NCAM2: variants seen among roughly 807,000 people sequenced by gnomAD.
The protein encoded by NCAM2 is neural cell adhesion molecule 2.
NCAM2 carries 30 observed loss-of-function variants against 98.1 expected under a neutral mutation model. The observed-to-expected ratio is 0.31, with a 90% CI of 0.23 to 0.41. The LOEUF (loss-of-function observed/expected upper bound fraction) is 0.41, where lower values mean the gene tolerates loss of function less well. Ranked by LOEUF, NCAM2 falls within the 10% of genes least tolerant of loss-of-function variation. The pLI is 1.00. For missense variants in NCAM2, 867 were observed against 1,005.8 expected (o/e 0.86, Z 1.87); for synonymous variants, 368 against 342.4 (o/e 1.07, Z -0.83).
chr21:21,237,949 C>CTTTTTTTTTTTTTTT (rs71195313), intron 1 of NCAM2, among the ~76,000 whole-genome samples: 3 of 114,488 alleles, frequency 2.6e-5, no homozygotes, highest in African/African-American at 7.0e-5. Context: ...CATTGTAATT[C>CTTTTTTTTTTTTTTT]TTTTTTTTTT....
chr21:20,998,953 A>G (rs1334229726), intron 1 of NCAM2, among the ~76,000 whole-genome samples: 2 of 152,092 alleles, frequency 1.3e-5, no homozygotes, highest in Non-Finnish European at 2.9e-5. Context: ...GAGTGTGTTA[A>G]CAGTGAAATA....
At chr21:21,470,517 A>G (rs924121545) in intron 14 of NCAM2, among the ~76,000 whole-genome samples, 4 of 152,034 alleles carry the variant, frequency 2.6e-5, no homozygotes, top group African/African-American at 9.7e-5. Context: ...CTTACTGATA[A>G]AGTTTAAACA....
chr21:21,111,298 A>C (rs1036429020), intron 1 of NCAM2, among the ~76,000 whole-genome samples: 1 of 152,196 alleles, frequency 6.6e-6, no homozygotes, highest in African/African-American at 2.4e-5. Flanking sequence ...GTCTGTATTC[A>C]GAAGGGATGA....
Position 21,534,605 on chromosome 21 carries a change from A to G in NCAM2, c.2351A>G (p.Asp784Gly), listed in dbSNP as rs1023470304. The stretch of plus-strand genomic sequence containing the variant: ...GATGAAAGAGTTACTAATCACGAAG[A>G]TGGGAGCCCAGTAAATGAGCCAAAT... Reference protein sequence around the residue: ...TEDERVTNHEDGSPVNEPNET... With the variant: ...TEDERVTNHEGGSPVNEPNET... The change falls in exon 17 of 18, where the codon GAT becomes GGT. Residue 784 changes from aspartate to glycine, a missense_variant. Transcript: ENST00000400546. 25 of 1,611,120 alleles carry G rather than the reference A, an allele frequency of 1.6e-5. No homozygotes were observed. Among genetic ancestry groups the G allele is most frequent in the Non-Finnish European group, 2.0e-5 (24 of 1,178,082 alleles).
At position 21,532,124 on chromosome 21, in the gene NCAM2, T is replaced by C. The variant is rs1989738656; in HGVS notation, c.2283-2413T>C. ...ACTTGATAATACTTATGGTATTTAT[T>C]ATAATAAAAAAGTTAAAAATAACCT... On this transcript the variant is annotated intron_variant, in intron 16 of 17. Transcript: ENST00000400546. 2.0e-5 allele frequency among the ~76,000 whole-genome samples: 3 copies of C among 152,016 alleles called. 1 individual carries two copies. In the South Asian group the frequency reaches 6.2e-4, roughly 31 times the overall value.
At chr21:21,033,711 C>G (rs780371384) in intron 1 of NCAM2, among the ~76,000 whole-genome samples, 3 of 152,068 alleles carry the variant, frequency 2.0e-5, no homozygotes, top group Non-Finnish European at 4.4e-5. Context: ...CAGAGCTGCC[C>G]TCAGAAAGAA....
chr21:21,233,478 C>A (rs953981604), intron 1 of NCAM2, among the ~76,000 whole-genome samples: 1 of 151,338 alleles, frequency 6.6e-6, no homozygotes. Flanking sequence ...TTTGACATGC[C>A]ATTTTCTCTT....
At chr21:21,270,528 TA>T (rs2072454385) in intron 1 of NCAM2, among the ~76,000 whole-genome samples, 1 of 152,220 alleles carries the variant, frequency 6.6e-6, no homozygotes, top group Non-Finnish European at 1.5e-5. Flanking sequence ...CTTTTACTAA[TA>T]AACTAATTGC....
intron 15 of NCAM2, among the ~76,000 whole-genome samples, chr21:21,487,811 T>G (rs1003536636): frequency 2.0e-5 from 3 of 152,142 alleles, no homozygotes; most frequent in Admixed American, 6.5e-5. Flanking sequence ...TCAGATATGC[T>G]AACAGAGTAG....
intron 1 of NCAM2, among the ~76,000 whole-genome samples, chr21:21,047,743 C>T (rs1409234829): frequency 6.6e-6 from 1 of 152,048 alleles, no homozygotes; most frequent in Non-Finnish European, 1.5e-5. Context: ...CATTTTACTG[C>T]TTATTTTCAG....
intron 1 of NCAM2, among the ~76,000 whole-genome samples, chr21:21,104,469 C>G (rs1355918169): frequency 6.6e-6 from 1 of 152,112 alleles, no homozygotes; most frequent in South Asian, 2.1e-4. Context: ...ATCTGCCAAG[C>G]ATTTGTTTCA....
In NCAM2 at chr21:21,234,101, T is replaced by C. The variant is rs184909544; in HGVS notation, c.56-46477T>C. 7.8e-4 allele frequency among the ~76,000 whole-genome samples: 119 copies of C among 151,908 alleles called. 1 individual carries two copies. Among genetic ancestry groups the C allele is most frequent in the Admixed American group, 1.1e-3 (16 of 15,208 alleles). On this transcript the variant is annotated intron_variant, in intron 1 of 17. Transcript: ENST00000400546. ...ATACTCACAGAGATTTTACTAGTATTAGTGTAAGGAAAATTTATTAATATT... is the reference window on the plus strand; with the variant it reads ...ATACTCACAGAGATTTTACTAGTATCAGTGTAAGGAAAATTTATTAATATT...
At position 21,480,313 on chromosome 21, in the gene NCAM2, GCCGAGA is replaced by G. The variant is rs1278102963; in HGVS notation, c.2077+2843_2077+2848del. Among the ~76,000 whole-genome samples, 192 of 145,700 alleles carry G rather than the reference GCCGAGA, an allele frequency of 1.3e-3. 1 individual carries two copies. Among genetic ancestry groups the G allele is most frequent in the Non-Finnish European group, 2.4e-3 (161 of 67,422 alleles). On this transcript the variant is annotated intron_variant, in intron 15 of 17. Coordinates refer to ENST00000400546, the MANE Select transcript of NCAM2 (RefSeq NM_004540.5). ...ACCTGGAAGGCGGAGCTTGCAGTGAGCCGAGATGGCGCCACTGCACTCCAGCCTGGG... is the reference window on the plus strand; with the variant it reads ...ACCTGGAAGGCGGAGCTTGCAGTGAGTGGCGCCACTGCACTCCAGCCTGGG...
chr21:21,434,900 G>T (rs1414892736), intron 12 of NCAM2, among the ~76,000 whole-genome samples: 2 of 152,146 alleles, frequency 1.3e-5, no homozygotes, highest in Non-Finnish European at 2.9e-5. Context: ...TGTTTCTGGT[G>T]CTGTTGACCT....
intron 1 of NCAM2, among the ~76,000 whole-genome samples, chr21:21,061,143 G>C (rs1472178932): frequency 6.6e-6 from 1 of 152,156 alleles, no homozygotes; most frequent in Non-Finnish European, 1.5e-5. Context: ...TTAAGTGATA[G>C]TCTGAAGAGT....
intron 16 of NCAM2, among the ~76,000 whole-genome samples, chr21:21,530,132 GATTTA>G (rs1363517417): frequency 6.2e-5 from 7 of 113,420 alleles, no homozygotes; most frequent in East Asian, 5.5e-4. Flanking sequence ...AATTATATAT[GATTTA>G]ATTTAATTTA....
chr21:21,415,646 C>A (rs1404735701), intron 10 of NCAM2, among the ~76,000 whole-genome samples: 3 of 152,140 alleles, frequency 2.0e-5, no homozygotes, highest in Non-Finnish European at 4.4e-5. Flanking sequence ...TTAGCTTGAT[C>A]TTCTGGATAA....
chr21:21,229,642 G>A (rs546313063), intron 1 of NCAM2, among the ~76,000 whole-genome samples: 1 of 151,502 alleles, frequency 6.6e-6, no homozygotes, highest in African/African-American at 2.4e-5. Flanking sequence ...TTGTCTTCCA[G>A]ATTAAGTGCT....
At chr21:21,334,916 A>G (rs2074818120) in intron 6 of NCAM2, among the ~76,000 whole-genome samples, 1 of 152,082 alleles carries the variant, frequency 6.6e-6, no homozygotes, top group Non-Finnish European at 1.5e-5. Context: ...AAAACAATTT[A>G]TTTTCCTCAT....
Sources: gnomAD v4.1 joint callset for allele counts (sites outside exome capture counted in the v4.1 genomes callset) on GRCh38, gnomAD v4.1.1 for gene constraint, MANE v1.5 for transcripts, NCBI Gene and HGNC (gene_info 2026-07-23, HGNC 2026-07-21) for gene names.